The following RAI1 variants were observed in gnomAD, a reference collection of about 807,000 sequenced individuals.
RAI1 encodes retinoic acid-induced protein 1.
Under a neutral mutation model 123.8 loss-of-function variants are expected in RAI1, and 9 were observed. That is an observed-to-expected ratio of 0.07 (90% CI 0.04 to 0.13). The LOEUF is 0.13. Ranked by LOEUF, RAI1 falls within the 10% of genes least tolerant of loss-of-function variation. The pLI is 1.00. For synonymous variants in RAI1, 1,231 were observed against 1,127.3 expected, an observed-to-expected ratio of 1.09 and a Z score of -1.84; for missense variants, 2,256 against 2,545.8, an observed-to-expected ratio of 0.89 and a Z score of 2.45.
intron 1 of RAI1, among the ~76,000 whole-genome samples, chr17:17,691,528 A>T (rs1914836504): frequency 6.6e-6 from 1 of 152,308 alleles, no homozygotes; most frequent in African/African-American, 2.4e-5. Context: ...CTTTTAAGGG[A>T]GGGCCTTTGG....
chr17:17,800,192 C>CTCTCTCTG lies in RAI1; in HGVS notation c.5565+1686_5565+1687insGTCTCTCT, dbSNP rs2032410000. On this transcript the variant is annotated intron_variant, in intron 3 of 5. Coordinates refer to ENST00000353383, the MANE Select transcript of RAI1 (RefSeq NM_030665.4). The surrounding 1 kb of genome is among the most constrained non-coding windows in gnomAD (Gnocchi z 4.7). ...TCTGTCTCTCTCTGTCTCTCTCTCT[C>CTCTCTCTG]TCTCTCTCTCTCTCTCTCTCTCTCT... is the stretch of plus-strand genomic sequence containing the variant. Among the ~76,000 whole-genome samples the CTCTCTCTG allele has an allele frequency of 7.8e-6, 1 of 127,896 alleles. No individual in the cohort carries two copies. The highest frequency in any genetic ancestry group is 2.0e-4 in the East Asian group (1 of 4,900). 83.9% of individuals were successfully genotyped at this position (127,896 alleles called of 152,430 possible).
At chr17:17,734,641 C>G (rs1328313375) in intron 2 of RAI1, among the ~76,000 whole-genome samples, 1 of 152,210 alleles carries the variant, frequency 6.6e-6, no homozygotes, top group African/African-American at 2.4e-5. Context: ...ACTTCCACTG[C>G]AGAGGTGTCA....
At chr17:17,693,737 G>A (rs1446870579) in intron 1 of RAI1, among the ~76,000 whole-genome samples, 1 of 152,232 alleles carries the variant, frequency 6.6e-6, no homozygotes, top group African/African-American at 2.4e-5. Context: ...GGCTTTGTGT[G>A]GCTGCAGATT....
At chr17:17,739,696 A>G (rs578212854) in intron 2 of RAI1, among the ~76,000 whole-genome samples, 245 of 151,810 alleles carry the variant, frequency 1.6e-3, no homozygotes, top group African/African-American at 5.8e-3. Flanking sequence ...CCCTACCTCC[A>G]CTCCTTGGGG....
intron 2 of RAI1, among the ~76,000 whole-genome samples, chr17:17,726,332 A>C (rs1014355581): frequency 2.0e-5 from 3 of 152,166 alleles, no homozygotes; most frequent in African/African-American, 7.2e-5. Context: ...CTGGCCATTA[A>C]ATGTGGGTGT....
intron 2 of RAI1, among the ~76,000 whole-genome samples, chr17:17,732,045 T>C (rs895011045): frequency 4.0e-5 from 6 of 151,716 alleles, no homozygotes; most frequent in Non-Finnish European, 7.4e-5. Flanking sequence ...TGTTCAGAGC[T>C]TCCTCTCGGT....
Position 17,782,387 on chromosome 17 carries a change from G to A in RAI1, c.-16-10546G>A, listed in dbSNP as rs1598077485. Among the ~76,000 whole-genome samples the A allele has an allele frequency of 2.6e-5, 4 of 152,064 alleles. No individual in the cohort carries two copies. The South Asian group carries it at 8.3e-4, about 32-fold the overall frequency. ...ACTCCAGGGGAGGTGGCGTTGGGGA[G>A]GGCAGAGCGGGATTCCCCCTCCTCC... On this transcript the variant is annotated intron_variant, in intron 2 of 5. Transcript: ENST00000353383.
At chr17:17,716,292 CAA>C in intron 1 of RAI1, among the ~76,000 whole-genome samples, 1 of 152,332 alleles carries the variant, frequency 6.6e-6, no homozygotes, top group African/African-American at 2.4e-5. Context: ...GGCCAGGGAA[CAA>C]AAGATGTGTG....
chr17:17,781,972 C>CG (rs1020103500), intron 2 of RAI1, among the ~76,000 whole-genome samples: 10 of 151,992 alleles, frequency 6.6e-5, no homozygotes, highest in Middle Eastern at 3.2e-3. Context: ...CCCCTTTTTG[C>CG]GGGGGGAGAG....
intron 2 of RAI1, among the ~76,000 whole-genome samples, chr17:17,726,316 G>A (rs926031785): frequency 1.3e-5 from 2 of 152,184 alleles, no homozygotes; most frequent in Non-Finnish European, 2.9e-5. Context: ...CCACTCAGCT[G>A]CAGGCCTGGC....
At position 17,793,487 on chromosome 17, in the gene RAI1, A is replaced by T. The variant is rs748625806; in HGVS notation, c.539A>T (p.Gln180Leu). Residue 180 changes from glutamine (Q) to leucine (L), a missense_variant, in exon 3 of 6, where the codon CAG (glutamine) becomes CTG (leucine). Transcript: ENST00000353383. ...CACGTCCAGCAGCCACCGCCGCCCCAGCAGCCCCTGGCATACCCCAAGCTC... is the reference window on the plus strand; with the variant it reads ...CACGTCCAGCAGCCACCGCCGCCCCTGCAGCCCCTGGCATACCCCAAGCTC... ...SLHVQQPPPPQQPLAYPKLQR... is the reference protein window; with the variant it reads ...SLHVQQPPPPLQPLAYPKLQR... 6.2e-7 allele frequency: 1 copy of T among 1,613,894 alleles called. No homozygotes were observed. Among genetic ancestry groups the T allele is most frequent in the Non-Finnish European group, 8.5e-7 (1 of 1,180,010 alleles).
Position 17,809,249 on chromosome 17 carries a change from A to G in RAI1, c.5660-141A>G, listed in dbSNP as rs2143006484. 1.2e-6 allele frequency: 1 copy of G among 801,296 alleles called. No individual in the cohort carries two copies. Among genetic ancestry groups the G allele is most frequent in the East Asian group, 2.4e-5 (1 of 41,116 alleles). The allele number at this position is 801,296 out of a possible 1,614,324, so 49.6% of individuals were successfully genotyped here. On this transcript the variant is annotated intron_variant, in intron 4 of 5. Coordinates refer to ENST00000353383, the MANE Select transcript of RAI1 (RefSeq NM_030665.4). This position sits in a 1 kb window ranked among gnomAD's most constrained non-coding sequence, Gnocchi z 4.9. ...GTGGAGTGTGGAGGGTTTTGTGCAG[A>G]ATCTGATTAACTCTTTGAAAAGAGC...
intron 2 of RAI1, among the ~76,000 whole-genome samples, chr17:17,746,218 C>T (rs1200930149): frequency 6.6e-6 from 1 of 152,234 alleles, no homozygotes; most frequent in Non-Finnish European, 1.5e-5. Flanking sequence ...CCACCGTGCC[C>T]CCACTCGCCA....
chr17:17,688,874 A>C (rs1914741233), intron 1 of RAI1, among the ~76,000 whole-genome samples: 1 of 152,224 alleles, frequency 6.6e-6, no homozygotes, highest in Admixed American at 6.5e-5. Flanking sequence ...CTGGGATTAC[A>C]GGCGTGAGTC....
intron 1 of RAI1, among the ~76,000 whole-genome samples, chr17:17,723,421 A>T (rs2052493435): frequency 1.3e-5 from 2 of 150,086 alleles, no homozygotes; most frequent in South Asian, 4.4e-4. Context: ...ACGGACCTAA[A>T]CGCACAGCCA....
chr17:17,793,557 C>T lies in RAI1; in HGVS notation c.609C>T (p.Phe203=), dbSNP rs760646077. The T allele has an allele frequency of 1.7e-5, 28 of 1,613,818 alleles. No homozygotes were observed. The East Asian group carries it at 6.2e-4, about 36-fold the overall frequency. The part of the protein sequence containing the change: ...LQNDIASPLP[F]PQGTHFPQHS... Reference sequence around the variant, plus strand: ...ACGACATTGCCTCCCCTCTGCCCTTCCCCCAGGGTACCCACTTTCCTCAGC... The same window carrying T: ...ACGACATTGCCTCCCCTCTGCCCTTTCCCCAGGGTACCCACTTTCCTCAGC... Residue 203 remains phenylalanine (F), a synonymous_variant, in exon 3 of 6, where the codon TTC becomes TTT. Coordinates refer to ENST00000353383, the MANE Select transcript of RAI1 (RefSeq NM_030665.4).
chr17:17,772,473 T>C (rs1467863509), intron 2 of RAI1, among the ~76,000 whole-genome samples: 1 of 152,216 alleles, frequency 6.6e-6, no homozygotes, highest in East Asian at 1.9e-4. Context: ...TTGCTCACTC[T>C]CTGGGGCTCC....
At chr17:17,745,987 C>A (rs2029897752) in intron 2 of RAI1, among the ~76,000 whole-genome samples, 1 of 152,216 alleles carries the variant, frequency 6.6e-6, no homozygotes, top group African/African-American at 2.4e-5. Context: ...TGCGTTGTTC[C>A]CACATGAGCG....
chr17:17,809,937 C>A lies in RAI1; in HGVS notation c.5710-33C>A. ...GCCTATGGACTGTGAAGTCCGAGGT[C>A]GTCGGTAACTGGCGGGCGGGCGTCT... On this transcript the variant is annotated intron_variant, in intron 5 of 5. Transcript: ENST00000353383. This position sits in a 1 kb window ranked among gnomAD's most constrained non-coding sequence, Gnocchi z 4.9. The A allele has an allele frequency of 6.4e-7, 1 of 1,559,658 alleles. No homozygotes were observed. The highest frequency in any genetic ancestry group is 8.7e-7 in the Non-Finnish European group (1 of 1,153,528).
Sources: allele counts gnomAD v4.1 joint callset (sites outside exome capture counted in the v4.1 genomes callset), GRCh38; gene constraint gnomAD v4.1.1; non-coding constraint Gnocchi (gnomAD v3.1); transcripts MANE v1.5; gene names NCBI Gene and HGNC (gene_info 2026-07-23, HGNC 2026-07-21).